The following NLGN1 variants were observed in gnomAD, a reference collection of about 807,000 sequenced individuals.
The protein encoded by NLGN1 is neuroligin 1, also known as neuroligin-1.
A neutral mutation model predicts 65.5 loss-of-function variants in NLGN1; 12 were observed. That is an observed-to-expected ratio of 0.18 (90% CI 0.12 to 0.30). The LOEUF (loss-of-function observed/expected upper bound fraction) is 0.30. NLGN1 is among the 10% of genes least tolerant of loss of function. The probability of loss-of-function intolerance (pLI) is 1.00; values close to 1 mark genes in which losing one functional copy is unlikely to be tolerated. For missense variants in NLGN1, 750 were observed against 1,007.1 expected, an observed-to-expected ratio of 0.74 and a Z score of 3.46; for synonymous variants, 350 against 359.5, an observed-to-expected ratio of 0.97 and a Z score of 0.30.
intron 4 of NLGN1, among the ~76,000 whole-genome samples, chr3:173,841,025 T>C (rs1429512432): frequency 3.3e-5 from 5 of 152,188 alleles, no homozygotes; most frequent in African/African-American, 1.2e-4. Context: ...ACTGTGACCA[T>C]AGAAGCTCCT....
intron 2 of NLGN1, among the ~76,000 whole-genome samples, chr3:173,437,256 C>A (rs534272545): frequency 1.3e-5 from 2 of 152,268 alleles, no homozygotes; most frequent in East Asian, 3.9e-4. Context: ...GCTAGATGTT[C>A]AGCTGTTGGT....
intron 4 of NLGN1, among the ~76,000 whole-genome samples, chr3:174,010,696 G>T (rs1375014474): frequency 5.9e-5 from 9 of 152,098 alleles, no homozygotes; most frequent in Admixed American, 3.9e-4. Context: ...TTGAATTGGT[G>T]AATTAAAGTT....
chr3:173,533,505 T>G (rs958895900), intron 2 of NLGN1, among the ~76,000 whole-genome samples: 32 of 152,290 alleles, frequency 2.1e-4, no homozygotes, highest in African/African-American at 7.7e-4. Context: ...TTGGTTCTTC[T>G]GGAAAATAAA....
chr3:173,804,987 C>T (rs1216863223), intron 3 of NLGN1, among the ~76,000 whole-genome samples: 2 of 152,128 alleles, frequency 1.3e-5, no homozygotes, highest in Non-Finnish European at 2.9e-5. Context: ...GATCACGCCA[C>T]TGCACTCCAG....
intron 4 of NLGN1, among the ~76,000 whole-genome samples, chr3:174,031,060 C>T (rs1008451547): frequency 6.6e-6 from 1 of 152,114 alleles, no homozygotes; most frequent in African/African-American, 2.4e-5. Context: ...ATTTTACATT[C>T]GTTTTGCTTT....
intron 4 of NLGN1, among the ~76,000 whole-genome samples, chr3:173,897,513 T>C (rs989173797): frequency 2.6e-5 from 4 of 152,216 alleles, no homozygotes; most frequent in African/African-American, 9.6e-5. Context: ...AGATGAGTTG[T>C]TGAGCTACTA....
chr3:173,901,464 A>G (rs1039864274), intron 4 of NLGN1, among the ~76,000 whole-genome samples: 7 of 151,714 alleles, frequency 4.6e-5, no homozygotes, highest in Admixed American at 2.6e-4. Context: ...TCTGTTTACA[A>G]TCTCATTTTG....
At chr3:173,438,922 A>G (rs1242353562) in intron 2 of NLGN1, among the ~76,000 whole-genome samples, 4 of 152,180 alleles carry the variant, frequency 2.6e-5, no homozygotes, top group Non-Finnish European at 5.9e-5. Context: ...TTCCTTAAAG[A>G]TAGACTTATC....
At chr3:173,784,126 A>G (rs768903087) in intron 3 of NLGN1, among the ~76,000 whole-genome samples, 12 of 152,222 alleles carry the variant, frequency 7.9e-5, no homozygotes, top group Non-Finnish European at 1.2e-4. Flanking sequence ...AGAACTTTAC[A>G]TCTATAATTT....
chr3:174,100,673 G>A (rs749415416), intron 4 of NLGN1, among the ~76,000 whole-genome samples: 5 of 151,794 alleles, frequency 3.3e-5, no homozygotes, highest in Non-Finnish European at 7.4e-5. Context: ...ATAGGCTGCA[G>A]TTTATCACTA....
intron 4 of NLGN1, among the ~76,000 whole-genome samples, chr3:173,944,845 TG>T: frequency 1.3e-5 from 2 of 152,264 alleles, no homozygotes; most frequent in Middle Eastern, 6.8e-3. Flanking sequence ...TGTACAGAGT[TG>T]GTATTCAGTA....
At chr3:174,199,138 C>T (rs1488217774) in intron 4 of NLGN1, among the ~76,000 whole-genome samples, 2 of 152,130 alleles carry the variant, frequency 1.3e-5, no homozygotes, top group Non-Finnish European at 2.9e-5. Context: ...TGAGCCACCG[C>T]GCCCGTCCTG....
At chr3:174,264,223 G>A (rs1394812510) in intron 4 of NLGN1, among the ~76,000 whole-genome samples, 1 of 151,224 alleles carries the variant, frequency 6.6e-6, no homozygotes, top group Non-Finnish European at 1.5e-5. Context: ...GAATCTGAAC[G>A]TTGGCCTGCC....
intron 2 of NLGN1, among the ~76,000 whole-genome samples, chr3:173,533,719 C>G (rs897973774): frequency 5.3e-5 from 8 of 152,136 alleles, no homozygotes; most frequent in Admixed American, 3.9e-4. Context: ...CTCGGTGGCA[C>G]GTGCCTATAA....
intron 2 of NLGN1, among the ~76,000 whole-genome samples, chr3:173,542,586 G>A (rs992222582): frequency 6.6e-6 from 1 of 151,968 alleles, no homozygotes; most frequent in Non-Finnish European, 1.5e-5. Context: ...AATGTGAGAT[G>A]TTTAAGTTTT....
At chr3:173,883,814 C>CTTTTTTTT (rs74363696) in intron 4 of NLGN1, among the ~76,000 whole-genome samples, 3 of 96,484 alleles carry the variant, frequency 3.1e-5, no homozygotes, top group East Asian at 2.8e-4. Flanking sequence ...GGGAAACTTT[C>CTTTTTTTT]TTTTTTTTTT....
At chr3:173,867,726 A>G (rs1023200033) in intron 4 of NLGN1, among the ~76,000 whole-genome samples, 3 of 152,082 alleles carry the variant, frequency 2.0e-5, no homozygotes, top group South Asian at 2.1e-4. Flanking sequence ...TACTCTTTCA[A>G]TTGTAATAAT....
chr3:173,567,988 A>G (rs1041579039), intron 2 of NLGN1, among the ~76,000 whole-genome samples: 1 of 152,160 alleles, frequency 6.6e-6, no homozygotes, highest in Non-Finnish European at 1.5e-5. Context: ...ATAAAAATGT[A>G]TATATTTATG....
chr3:173,454,692 G>A (rs772959175), intron 2 of NLGN1, among the ~76,000 whole-genome samples: 26 of 152,302 alleles, frequency 1.7e-4, no homozygotes, highest in Admixed American at 2.6e-4. Flanking sequence ...GTCTTGCTCT[G>A]GATTAGGCTT....
Sources: allele counts gnomAD v4.1 joint callset (sites outside exome capture counted in the v4.1 genomes callset), GRCh38; gene constraint gnomAD v4.1.1; transcripts MANE v1.5; gene names NCBI Gene and HGNC (gene_info 2026-07-23, HGNC 2026-07-21).